SPMIP2: variants seen among roughly 807,000 people sequenced by gnomAD.
SPMIP2 encodes the protein sperm microtubule inner protein 2.
chr4:159,071,388 A>G, the SPMIP2 span, among the ~76,000 whole-genome samples: 1 of 152,166 alleles, frequency 6.6e-6, no homozygotes, highest in African/African-American at 2.4e-5. Context: ...CCTCTTGAGG[A>G]CAAAGGACAA....
At chr4:158,992,740 G>A in the SPMIP2 span, among the ~76,000 whole-genome samples, 1 of 152,184 alleles carries the variant, frequency 6.6e-6, no homozygotes, top group South Asian at 2.1e-4. Context: ...CTGGAGGGGA[G>A]GAACACCAGG....
At chr4:159,065,861 C>T in the SPMIP2 span, among the ~76,000 whole-genome samples, 17 of 152,148 alleles carry the variant, frequency 1.1e-4, 1 homozygote, top group East Asian at 2.9e-3. Flanking sequence ...ACCTATTATC[C>T]CCATTTTATA....
At chr4:159,077,127 C>T in the SPMIP2 span, among the ~76,000 whole-genome samples, 7 of 151,840 alleles carry the variant, frequency 4.6e-5, no homozygotes, top group South Asian at 2.1e-4. Context: ...CGAGCCACTG[C>T]GCCTGGCCTA....
At chr4:159,052,449 T>G in the SPMIP2 span, among the ~76,000 whole-genome samples, 25 of 152,020 alleles carry the variant, frequency 1.6e-4, no homozygotes, top group African/African-American at 5.3e-4. Flanking sequence ...ATTTATCTGC[T>G]CAGATGCCAC....
the SPMIP2 span, among the ~76,000 whole-genome samples, chr4:159,004,193 G>A: frequency 6.7e-6 from 1 of 148,604 alleles, no homozygotes; most frequent in Admixed American, 6.7e-5. Context: ...ATTTTTTGTT[G>A]TATTTTTGGT....
the SPMIP2 span, among the ~76,000 whole-genome samples, chr4:159,077,007 T>C: frequency 6.6e-6 from 1 of 152,088 alleles, no homozygotes; most frequent in Non-Finnish European, 1.5e-5. Flanking sequence ...GGGTAATTTT[T>C]GTATTTTTAG....
chr4:159,079,498 C>T, the SPMIP2 span, among the ~76,000 whole-genome samples: 9 of 152,172 alleles, frequency 5.9e-5, no homozygotes, highest in Non-Finnish European at 1.3e-4. Flanking sequence ...TACCCAGTTC[C>T]AGGTATTTTG....
chr4:158,904,303 T>G, the SPMIP2 span, among the ~76,000 whole-genome samples: 1 of 152,182 alleles, frequency 6.6e-6, no homozygotes, highest in Non-Finnish European at 1.5e-5. Context: ...ATTAAAAGAG[T>G]AAGTTTATTA....
chr4:158,997,893 G>C, the SPMIP2 span, among the ~76,000 whole-genome samples: 3 of 152,194 alleles, frequency 2.0e-5, no homozygotes, highest in African/African-American at 7.2e-5. Context: ...CTGGCCTCAA[G>C]TGATCCTCCC....
chr4:159,056,652 T>C, the SPMIP2 span, among the ~76,000 whole-genome samples: 2 of 152,216 alleles, frequency 1.3e-5, no homozygotes, highest in Non-Finnish European at 2.9e-5. Flanking sequence ...GAGTTTGTTT[T>C]AGTAGGAGAG....
chr4:158,955,617 G>C, the SPMIP2 span, among the ~76,000 whole-genome samples: 1 of 152,108 alleles, frequency 6.6e-6, no homozygotes, highest in African/African-American at 2.4e-5. Flanking sequence ...CTTTGGCCAG[G>C]CTAGTCTCAA....
At chr4:159,025,620 T>C in the SPMIP2 span, among the ~76,000 whole-genome samples, 1 of 152,084 alleles carries the variant, frequency 6.6e-6, no homozygotes, top group Non-Finnish European at 1.5e-5. Context: ...TTGGTTGGCT[T>C]ATTAAGAAAA....
the SPMIP2 span, among the ~76,000 whole-genome samples, chr4:158,935,364 C>T: frequency 6.6e-6 from 1 of 152,174 alleles, no homozygotes. Flanking sequence ...AACACTGGGA[C>T]ACAATGATTC....
chr4:158,902,327 C>CAAAG, the SPMIP2 span, among the ~76,000 whole-genome samples: 1 of 152,176 alleles, frequency 6.6e-6, no homozygotes, highest in Non-Finnish European at 1.5e-5. Flanking sequence ...TGTAGAACAG[C>CAAAG]AAAGATTGCT....
chr4:158,946,474 G>A, the SPMIP2 span, among the ~76,000 whole-genome samples: 1 of 152,274 alleles, frequency 6.6e-6, no homozygotes, highest in South Asian at 2.1e-4. Context: ...TGCTATTCTT[G>A]TGATAGTGAG....
At chr4:158,897,394 C>T in the SPMIP2 span, among the ~76,000 whole-genome samples, 1 of 152,176 alleles carries the variant, frequency 6.6e-6, no homozygotes, top group Non-Finnish European at 1.5e-5. Context: ...ATTTCTAGTT[C>T]TAGATCCTTG....
chr4:158,958,666 A>G, the SPMIP2 span, among the ~76,000 whole-genome samples: 1 of 152,234 alleles, frequency 6.6e-6, no homozygotes, highest in Non-Finnish European at 1.5e-5. Flanking sequence ...TGCCCAGGAA[A>G]AAGATGGCTC....
the SPMIP2 span, among the ~76,000 whole-genome samples, chr4:159,023,931 G>A: frequency 6.6e-6 from 1 of 152,144 alleles, no homozygotes; most frequent in Non-Finnish European, 1.5e-5. Flanking sequence ...GGTTTCCCAG[G>A]GCTGTTGTAG....
the SPMIP2 span, among the ~76,000 whole-genome samples, chr4:159,039,070 C>T: frequency 1.3e-5 from 2 of 152,062 alleles, no homozygotes; most frequent in African/African-American, 4.8e-5. Flanking sequence ...CCTTGACTGC[C>T]CTGGGCTCAG....
Sources: gnomAD v4.1 joint callset for allele counts (sites outside exome capture counted in the v4.1 genomes callset) on GRCh38, gnomAD v4.1.1 for gene constraint, MANE v1.5 for transcripts, NCBI Gene and HGNC (gene_info 2026-07-23, HGNC 2026-07-21) for gene names.